COG7: variants seen among roughly 807,000 people sequenced by gnomAD.
COG7 encodes conserved oligomeric Golgi complex subunit 7.
COG7 carries 49 observed loss-of-function variants against 91.5 expected under a neutral mutation model. The ratio of observed to expected loss-of-function variants is 0.54; its 90% CI spans 0.43 to 0.68. COG7 has a LOEUF of 0.68. Ranked by LOEUF, COG7 falls within the 30% of genes least tolerant of loss-of-function variation. COG7 has a pLI of 0.00. For missense variants in COG7, 895 were observed against 961.3 expected, an observed-to-expected ratio of 0.93 and a Z score of 0.91; for synonymous variants, 365 against 388.7, an observed-to-expected ratio of 0.94 and a Z score of 0.72.
At chr16:23,440,043 GT>G (rs1003919248) in intron 4 of COG7, among the ~76,000 whole-genome samples, 131 of 143,182 alleles carry the variant, frequency 9.1e-4, no homozygotes, top group African/African-American at 3.2e-3. Context: ...TAGGCCAGGA[GT>G]TCAAGACCAA....
In COG7 at chr16:23,417,005, G is replaced by A. The variant is rs1963666886; in HGVS notation, c.1254C>T (p.Thr418=). The change falls in exon 9 of 17, where the codon ACC becomes ACT. Residue 418 remains threonine (T), a synonymous_variant. Coordinates refer to ENST00000307149, the MANE Select transcript of COG7 (RefSeq NM_153603.4). ...RCVRFTNGLG[T]CGLLSALKSL... ...ATTTCAGGGCTGACAACAGGCCGCA[G>A]GTCCCCAGGCCATTGGTGAATCTGA... The A allele has an allele frequency of 2.5e-6, 4 of 1,614,094 alleles. No homozygotes were observed. The South Asian group carries it at 4.4e-5, about 18-fold the overall frequency.
chr16:23,433,253 G>A (rs1963961226), intron 6 of COG7, among the ~76,000 whole-genome samples: 1 of 152,006 alleles, frequency 6.6e-6, no homozygotes, highest in South Asian at 2.1e-4. Flanking sequence ...ACCACACCTG[G>A]CTAACTTTTG....
intron 4 of COG7, among the ~76,000 whole-genome samples, chr16:23,439,564 G>A (rs571523191): frequency 2.6e-5 from 4 of 152,314 alleles, no homozygotes; most frequent in East Asian, 1.9e-4. Flanking sequence ...GCTACACCAT[G>A]GATGAGCTTT....
intron 11 of COG7, among the ~76,000 whole-genome samples, chr16:23,407,252 C>T (rs746828744): frequency 9.9e-5 from 15 of 152,212 alleles, no homozygotes; most frequent in Non-Finnish European, 1.6e-4. Context: ...AGTTCAAGTT[C>T]GTTCTTCCTG....
intron 16 of COG7, chr16:23,389,962 T>A (rs1963163301): frequency 6.6e-6 from 1 of 152,202 alleles, no homozygotes; most frequent in Non-Finnish European, 1.5e-5. Context: ...TCTGCTTCCA[T>A]CTGTCCACAG....
At chr16:23,437,890 T>C (rs1277696021) in intron 4 of COG7, among the ~76,000 whole-genome samples, 2 of 151,806 alleles carry the variant, frequency 1.3e-5, no homozygotes, top group African/African-American at 4.8e-5. Flanking sequence ...ATTGAGACCA[T>C]CCTGGCCAAC....
chr16:23,425,067 T>G, intron 6 of COG7, 120 bp from the exon 7 acceptor site: 1 of 843,532 alleles, frequency 1.2e-6, no homozygotes, highest in South Asian at 1.5e-5. Flanking sequence ...CCCAGCACCT[T>G]GGGAGGCCAA....
Position 23,442,529 on chromosome 16 carries a change from C to T in COG7, c.552G>A (p.Leu184=). Residue 184 remains leucine, a synonymous_variant, in exon 4 of 17, where the codon CTG becomes CTA. Transcript: ENST00000307149. The part of the protein sequence containing the change: ...CVHLEALKNR[L]EALASPQIVA... ...CAATCTGTGGACTGGCTAGGGCCTC[C>T]AGCCTGTTCTTCAGTGCCTCCAAGT... 1 of 1,614,140 alleles carries T rather than the reference C, an allele frequency of 6.2e-7. No individual in the cohort carries two copies. The highest frequency in any genetic ancestry group is 8.5e-7 in the Non-Finnish European group (1 of 1,180,026).
chr16:23,439,756 G>C (rs1189817911), intron 4 of COG7, among the ~76,000 whole-genome samples: 1 of 152,162 alleles, frequency 6.6e-6, no homozygotes, highest in Non-Finnish European at 1.5e-5. Context: ...GATGAAAAAA[G>C]TTCTGGAGAT....
intron 14 of COG7, among the ~76,000 whole-genome samples, chr16:23,396,924 T>C (rs1051996022): frequency 6.7e-6 from 1 of 148,608 alleles, no homozygotes; most frequent in Non-Finnish European, 1.5e-5. Flanking sequence ...TCTTTTTTTT[T>C]CCTGAGGCAG....
intron 4 of COG7, among the ~76,000 whole-genome samples, chr16:23,442,193 G>A (rs1457746699): frequency 6.6e-6 from 1 of 151,980 alleles, no homozygotes; most frequent in African/African-American, 2.4e-5. Flanking sequence ...AATTACCTGG[G>A]TGTGGTGGCA....
chr16:23,418,578 A>C (rs1963694437), intron 8 of COG7, 122 bp downstream of exon 8: 1 of 802,728 alleles, frequency 1.2e-6, no homozygotes, highest in Admixed American at 1.9e-5. Context: ...ACAAGAGCCC[A>C]CAAGTGCTTA....
chr16:23,429,032 C>CA (rs1486152307), intron 6 of COG7, among the ~76,000 whole-genome samples: 2 of 151,780 alleles, frequency 1.3e-5, no homozygotes, highest in Non-Finnish European at 2.9e-5. Flanking sequence ...CTCTGTCGCC[C>CA]AGACTGGAGT....
intron 3 of COG7, 54 bp downstream of exon 3, chr16:23,444,994 C>A (rs1964158679): frequency 1.5e-6 from 2 of 1,339,958 alleles, no homozygotes; most frequent in East Asian, 4.6e-5. Flanking sequence ...TTTCTCCAAA[C>A]CTCAAGTTCT....
chr16:23,400,185 G>T (rs1353933845), intron 13 of COG7, among the ~76,000 whole-genome samples: 1 of 152,146 alleles, frequency 6.6e-6, no homozygotes, highest in Non-Finnish European at 1.5e-5. Context: ...TAGCCCTGGG[G>T]AGGGTTTTGA....
chr16:23,426,818 CAAA>C (rs1176659874), intron 6 of COG7, among the ~76,000 whole-genome samples: 5 of 60,334 alleles, frequency 8.3e-5, no homozygotes, highest in East Asian at 9.2e-4. Context: ...AGCAATTGGA[CAAA>C]AAAAAAAAAA....
rs1963718416 is a variant in COG7 at position 23,419,609 on chromosome 16, C to T, written c.1010-782G>A. On this transcript the variant is annotated intron_variant, in intron 7 of 16. Transcript: ENST00000307149. ...ACTAAAAATACAAAAATTAGCCGGG[C>T]GTAGTGGCGGGCACCTGTAATTCCT... Among the ~76,000 whole-genome samples the T allele has an allele frequency of 2.0e-5, 3 of 150,196 alleles. 1 individual carries two copies. Among genetic ancestry groups the T allele is most frequent in the South Asian group, 2.1e-4 (1 of 4,728 alleles).
At chr16:23,407,472 C>T (rs1963480920) in intron 11 of COG7, among the ~76,000 whole-genome samples, 1 of 152,182 alleles carries the variant, frequency 6.6e-6, no homozygotes, top group Middle Eastern at 3.2e-3. Flanking sequence ...GAAGGCAAAT[C>T]TGATTTTGGC....
At chr16:23,398,253 C>G in intron 13 of COG7, 124 bp from the exon 14 acceptor site, 1 of 773,168 alleles carries the variant, frequency 1.3e-6, no homozygotes, top group South Asian at 1.5e-5. Context: ...TGGAGCTGAC[C>G]GTTGGAGCCT....
Sources: allele counts gnomAD v4.1 joint callset (sites outside exome capture counted in the v4.1 genomes callset), GRCh38; gene constraint gnomAD v4.1.1; transcripts MANE v1.5; gene names NCBI Gene and HGNC (gene_info 2026-07-23, HGNC 2026-07-21).